Variants in AUTS2 observed in about 807,000 individuals in gnomAD.
AUTS2 encodes the protein activator of transcription and developmental regulator AUTS2.
AUTS2 carries 17 observed loss-of-function variants against 112.4 expected under a neutral mutation model. The ratio of observed to expected loss-of-function variants is 0.15; its 90% CI spans 0.10 to 0.23. The LOEUF (loss-of-function observed/expected upper bound fraction) is 0.23, where lower values mean the gene tolerates loss of function less well. Ranked by LOEUF, AUTS2 falls within the 10% of genes least tolerant of loss-of-function variation. The probability of loss-of-function intolerance (pLI) is 1.00; values close to 1 mark genes in which losing one functional copy is unlikely to be tolerated. For synonymous variants in AUTS2, 751 were observed against 702.7 expected (o/e 1.07, Z -1.09); for missense variants, 1,510 against 1,701.6 (o/e 0.89, Z 1.98).
At chr7:69,711,818 T>C (rs1381544327) in intron 1 of AUTS2, among the ~76,000 whole-genome samples, 1 of 152,178 alleles carries the variant, frequency 6.6e-6, no homozygotes, top group East Asian at 1.9e-4. Context: ...ATCCACAAAG[T>C]GTACATTTGT....
At chr7:70,775,940 G>A (rs959139994) in intron 13 of AUTS2, among the ~76,000 whole-genome samples, 1 of 152,228 alleles carries the variant, frequency 6.6e-6, no homozygotes, top group African/African-American at 2.4e-5. Context: ...TTGGGGGTAA[G>A]ACAGACATGA....
chr7:69,677,549 G>A (rs1796615785), intron 1 of AUTS2, among the ~76,000 whole-genome samples: 1 of 152,164 alleles, frequency 6.6e-6, no homozygotes, highest in African/African-American at 2.4e-5. Flanking sequence ...AAAGGTCTAC[G>A]TGGATGAAAG....
At chr7:69,660,506 G>A (rs1215909508) in intron 1 of AUTS2, among the ~76,000 whole-genome samples, 2 of 152,226 alleles carry the variant, frequency 1.3e-5, no homozygotes, top group East Asian at 1.9e-4. Context: ...TCTGGATGCA[G>A]ATCCTAACTG....
rs191709441 is a variant in AUTS2, at chr7:70,310,700, G to A, written c.661-125052G>A. On this transcript the variant is annotated intron_variant, in intron 4 of 18. Transcript: ENST00000342771. ...TGGACCATAAGACCTTTGCTGCCCT[G>A]TGACTTCTCCCTTAGTTCTCAGTCT... Among the ~76,000 whole-genome samples, 603 of 152,010 alleles carry A rather than the reference G, an allele frequency of 4.0e-3. 15 individuals carry two copies. The highest frequency in any genetic ancestry group is 0.034 in the Admixed American group (526 of 15,272).
chr7:70,110,859 C>CTTTTTTTT (rs71077618), intron 2 of AUTS2, among the ~76,000 whole-genome samples: 352 of 82,782 alleles, frequency 4.3e-3, no homozygotes, highest in Non-Finnish European at 5.2e-3. Context: ...TTCTTTCTTT[C>CTTTTTTTT]TTTTTTTTTT....
chr7:70,557,412 C>T (rs999157278), intron 5 of AUTS2, among the ~76,000 whole-genome samples: 1 of 152,218 alleles, frequency 6.6e-6, no homozygotes, highest in Admixed American at 6.5e-5. Context: ...GAGTCCCACC[C>T]ACTCCTCCCC....
intron 4 of AUTS2, among the ~76,000 whole-genome samples, chr7:70,246,292 A>G (rs1812920399): frequency 6.6e-6 from 1 of 152,028 alleles, no homozygotes; most frequent in Non-Finnish European, 1.5e-5. Flanking sequence ...GCATTCTTAC[A>G]TGTTGTTTTC....
chr7:70,691,898 TAA>T (rs1341202565), intron 5 of AUTS2, among the ~76,000 whole-genome samples: 1 of 127,172 alleles, frequency 7.9e-6, no homozygotes, highest in Non-Finnish European at 1.6e-5. Context: ...TTTTTTGAGA[TAA>T]AGTCTTACTC....
At chr7:70,574,832 C>A (rs145485326) in intron 5 of AUTS2, among the ~76,000 whole-genome samples, 46 of 152,286 alleles carry the variant, frequency 3.0e-4, no homozygotes, top group African/African-American at 1.1e-3. Context: ...CCCCGACCCC[C>A]TCATGGCCAC....
In AUTS2 at chr7:70,790,552, C is replaced by T. The variant is rs200129739; in HGVS notation, c.3336C>T (p.Ala1112=). The change falls in exon 19 of 19, where the codon GCC becomes GCT. Residue 1112 remains alanine (A), a synonymous_variant. Transcript: ENST00000342771. This position sits in a 1 kb window ranked among gnomAD's most constrained non-coding sequence, Gnocchi z 7.6. ...TCTCGACTCCCCGGCTGTACGAAGC[C>T]GACCGCTCCTTCAGGGACCGGGAGC... ...HRLSTPRLYE[A]DRSFRDREPH... is the part of the protein sequence containing the mutation. 15 of 1,604,704 alleles carry T rather than the reference C, an allele frequency of 9.3e-6. No individual in the cohort carries two copies. Among genetic ancestry groups the T allele is most frequent in the East Asian group, 4.5e-5 (2 of 44,420 alleles).
intron 1 of AUTS2, among the ~76,000 whole-genome samples, chr7:69,676,117 C>A (rs1219993523): frequency 1.3e-5 from 2 of 152,048 alleles, no homozygotes; most frequent in African/African-American, 4.8e-5. Flanking sequence ...TCAGAAATAT[C>A]TCCAGTTATT....
chr7:70,438,258 G>A (rs1795977334), intron 5 of AUTS2, among the ~76,000 whole-genome samples: 1 of 152,160 alleles, frequency 6.6e-6, no homozygotes, highest in Non-Finnish European at 1.5e-5. Flanking sequence ...TGGGAAGGTA[G>A]CTCCCACCTA....
chr7:70,732,614 C>T (rs1337639932), intron 6 of AUTS2, among the ~76,000 whole-genome samples: 1 of 152,162 alleles, frequency 6.6e-6, no homozygotes, highest in Non-Finnish European at 1.5e-5. Context: ...TCTTCCTGTT[C>T]CCGCCTGGCT....
intron 2 of AUTS2, among the ~76,000 whole-genome samples, chr7:69,983,168 A>G (rs935366050): frequency 2.0e-5 from 3 of 152,060 alleles, no homozygotes; most frequent in Admixed American, 6.5e-5. Flanking sequence ...ATTTTTGCAT[A>G]TTTTCTTACA....
At chr7:70,649,585 G>A (rs1020406869) in intron 5 of AUTS2, among the ~76,000 whole-genome samples, 18 of 151,736 alleles carry the variant, frequency 1.2e-4, no homozygotes, top group Admixed American at 4.6e-4. Flanking sequence ...CTGGAGTGCA[G>A]TAGTGCGATC....
intron 3 of AUTS2, chr7:70,119,461 T>C (rs1247597562): frequency 6.6e-6 from 1 of 150,662 alleles, no homozygotes; most frequent in Non-Finnish European, 1.5e-5. Context: ...GCCTCCCGAG[T>C]TCAAGCGATT....
chr7:70,288,486 C>T (rs892894587), intron 4 of AUTS2, among the ~76,000 whole-genome samples: 2 of 152,200 alleles, frequency 1.3e-5, no homozygotes, highest in African/African-American at 2.4e-5. Context: ...TTTCAGACTT[C>T]ATTTACCCGC....
chr7:69,869,233 C>T (rs1374798306), intron 1 of AUTS2, among the ~76,000 whole-genome samples: 1 of 152,030 alleles, frequency 6.6e-6, no homozygotes, highest in Non-Finnish European at 1.5e-5. Context: ...GTTTATTGAG[C>T]ACCTATAATG....
intron 4 of AUTS2, among the ~76,000 whole-genome samples, chr7:70,332,407 A>C (rs769393828): frequency 5.3e-5 from 8 of 152,230 alleles, no homozygotes; most frequent in Non-Finnish European, 7.3e-5. Flanking sequence ...TTATAGATTC[A>C]ATGTTATCCC....
Sources: gnomAD v4.1 joint callset for allele counts (sites outside exome capture counted in the v4.1 genomes callset) on GRCh38, gnomAD v4.1.1 for gene constraint, Gnocchi (gnomAD v3.1) non-coding constraint, MANE v1.5 for transcripts, NCBI Gene and HGNC (gene_info 2026-07-23, HGNC 2026-07-21) for gene names.